NCOA1: variants seen among roughly 807,000 people sequenced by gnomAD.
NCOA1 encodes nuclear receptor coactivator 1.
NCOA1 carries 35 observed loss-of-function variants against 150.9 expected under a neutral mutation model. The observed-to-expected ratio is 0.23, with a 90% CI of 0.18 to 0.31. The LOEUF (loss-of-function observed/expected upper bound fraction) is 0.31, where lower values mean the gene tolerates loss of function less well. NCOA1 is among the 10% of genes least tolerant of loss of function. The pLI is 1.00. For missense variants in NCOA1, 1,491 were observed against 1,749.3 expected, an observed-to-expected ratio of 0.85 and a Z score of 2.63; for synonymous variants, 590 against 630.0, an observed-to-expected ratio of 0.94 and a Z score of 0.95.
chr2:24,657,949 G>T (rs1671015776), intron 4 of NCOA1, among the ~76,000 whole-genome samples: 1 of 152,196 alleles, frequency 6.6e-6, no homozygotes, highest in East Asian at 1.9e-4. Context: ...AATGGTTGAT[G>T]AGGGACAGAT....
rs1662871957 is a variant in NCOA1, at chr2:24,729,401, A to G, written c.2887-100A>G. 3 of 1,185,678 alleles carry G rather than the reference A, an allele frequency of 2.5e-6. No individual in the cohort carries two copies. In the African/African-American group the frequency reaches 4.6e-5, roughly 18 times the overall value. The allele number at this position is 1,185,678 out of a possible 1,614,324, so 73.4% of individuals were successfully genotyped here. On this transcript the variant is annotated intron_variant, in intron 16 of 22. Coordinates refer to ENST00000348332, the MANE Select transcript of NCOA1 (RefSeq NM_003743.5). ...GGTAGTAAACTTCTGGAGAGCATGA[A>G]TTCAGAATGAATATATGATGGTGCT...
chr2:24,632,112 T>C (rs1397614013), intron 3 of NCOA1, among the ~76,000 whole-genome samples: 1 of 152,036 alleles, frequency 6.6e-6, no homozygotes, highest in Non-Finnish European at 1.5e-5. Context: ...ACAACAAAAA[T>C]AGGATAAATA....
At chr2:24,645,392 A>G (rs571445151) in intron 4 of NCOA1, among the ~76,000 whole-genome samples, 1 of 150,946 alleles carries the variant, frequency 6.6e-6, no homozygotes, top group South Asian at 2.1e-4. Flanking sequence ...AGTCCTAGCT[A>G]CTCGGGAGGC....
At chr2:24,537,918 T>C (rs1263147976) in intron 1 of NCOA1, among the ~76,000 whole-genome samples, 1 of 152,218 alleles carries the variant, frequency 6.6e-6, no homozygotes, top group Non-Finnish European at 1.5e-5. Flanking sequence ...ATTCTGTATC[T>C]GCTAACTTTT....
At chr2:24,663,543 T>C (rs1279975059) in intron 5 of NCOA1, among the ~76,000 whole-genome samples, 1 of 152,182 alleles carries the variant, frequency 6.6e-6, no homozygotes, top group Non-Finnish European at 1.5e-5. Context: ...CCTGAGAAAT[T>C]AACTCAGAAT....
intron 5 of NCOA1, 200 bp downstream of exon 5, chr2:24,658,966 T>TTAACACC (rs1391958940): frequency 5.4e-6 from 3 of 551,440 alleles, no homozygotes; most frequent in Admixed American, 3.0e-5. Flanking sequence ...TTTCCTTTAG[T>TTAACACC]TAACACCTAC....
chr2:24,648,496 C>T (rs1429736248), intron 4 of NCOA1, among the ~76,000 whole-genome samples: 3 of 152,174 alleles, frequency 2.0e-5, no homozygotes, highest in Non-Finnish European at 4.4e-5. Context: ...TGATCTCGAA[C>T]TCCTGACCTC....
chr2:24,583,644 ATATC>A (rs1345318368), intron 2 of NCOA1, among the ~76,000 whole-genome samples: 1 of 152,194 alleles, frequency 6.6e-6, no homozygotes, highest in Non-Finnish European at 1.5e-5. Flanking sequence ...ATCAACCTAA[ATATC>A]TATCAACAGA....
At chr2:24,642,795 A>G (rs979435287) in intron 3 of NCOA1, among the ~76,000 whole-genome samples, 16 of 152,354 alleles carry the variant, frequency 1.1e-4, no homozygotes, top group Non-Finnish European at 1.6e-4. Flanking sequence ...ATAAAAAGGA[A>G]TGAACTATTG....
At chr2:24,720,456 C>A (rs1674300123) in intron 14 of NCOA1, among the ~76,000 whole-genome samples, 1 of 152,200 alleles carries the variant, frequency 6.6e-6, no homozygotes, top group South Asian at 2.1e-4. Flanking sequence ...GAGGCTTCCC[C>A]TCCGGAGTAC....
chr2:24,765,799 T>C (rs142365078), intron 22 of NCOA1, among the ~76,000 whole-genome samples: 75 of 152,336 alleles, frequency 4.9e-4, no homozygotes, highest in African/African-American at 1.8e-3. Flanking sequence ...AGAAGTCCTT[T>C]GTGGACTGGT....
intron 5 of NCOA1, chr2:24,659,060 A>G (rs886826010): frequency 1.8e-5 from 5 of 283,508 alleles, no homozygotes; most frequent in Non-Finnish European, 3.4e-5. Flanking sequence ...AAGTTCCTCC[A>G]TTCATGTATC....
At chr2:24,761,836 C>A (rs1247612769) in intron 21 of NCOA1, among the ~76,000 whole-genome samples, 2 of 152,196 alleles carry the variant, frequency 1.3e-5, no homozygotes, top group Non-Finnish European at 2.9e-5. Context: ...CAAGGTAAAA[C>A]CTTTAATATG....
intron 20 of NCOA1, 64 bp downstream of exon 20, chr2:24,752,220 A>G (rs767239913): frequency 3.3e-5 from 51 of 1,537,360 alleles, no homozygotes; most frequent in Non-Finnish European, 3.7e-5. Context: ...ATACTGATAA[A>G]TGCTACAGTG....
chr2:24,537,523 T>C (rs1054104593), intron 1 of NCOA1, among the ~76,000 whole-genome samples: 2 of 152,018 alleles, frequency 1.3e-5, no homozygotes, highest in East Asian at 1.9e-4. Flanking sequence ...TCTGTATATA[T>C]ATAAAATGCA....
intron 12 of NCOA1, 146 bp from the exon 13 acceptor site, chr2:24,706,422 C>G: frequency 1.9e-5 from 16 of 833,704 alleles, no homozygotes; most frequent in Non-Finnish European, 3.3e-6. Context: ...AAACTTTTTT[C>G]TTAATTTAAG....
chr2:24,768,356 C>G lies in NCOA1; in HGVS notation c.4291C>G (p.Gln1431Glu). ...TSGPQTPQAQ[Q>E]KSLLQQLLTE The stretch of plus-strand genomic sequence containing the variant: ...AGGACCACAGACCCCCCAGGCCCAG[C>G]AGAAGAGCCTCCTTCAGCAGCTACT... Residue 1431 changes from glutamine to glutamate, a missense_variant, in exon 23 of 23, where the codon CAG (glutamine) becomes GAG (glutamate). By Grantham distance (29) the Gln-to-Glu change is conservative. This residue lies in a region of NCOA1 where 46 missense variants were observed against 78.8 expected (regional missense o/e 0.58). Transcript: ENST00000348332. The G allele has an allele frequency of 1.9e-6, 3 of 1,612,828 alleles. No homozygotes were observed. Among genetic ancestry groups the G allele is most frequent in the Non-Finnish European group, 2.5e-6 (3 of 1,179,274 alleles).
chr2:24,765,429 G>A (rs1472619084), intron 22 of NCOA1, among the ~76,000 whole-genome samples: 1 of 151,818 alleles, frequency 6.6e-6, no homozygotes, highest in Non-Finnish European at 1.5e-5. Flanking sequence ...AACCTGGGAG[G>A]CGGAGCTGGC....
At chr2:24,711,385 A>C in intron 14 of NCOA1, 1 of 259,432 alleles carries the variant, frequency 3.9e-6, no homozygotes, top group Non-Finnish European at 7.2e-6. Flanking sequence ...AACACCCCAT[A>C]ACAGGACTTT....
Sources: allele counts gnomAD v4.1 joint callset (sites outside exome capture counted in the v4.1 genomes callset), GRCh38; gene constraint gnomAD v4.1.1; regional missense constraint gnomAD v4.1.1; transcripts MANE v1.5; gene names NCBI Gene and HGNC (gene_info 2026-07-23, HGNC 2026-07-21).